RSBN1: variants seen among roughly 807,000 people sequenced by gnomAD.
RSBN1 encodes the protein lysine-specific demethylase 9.
RSBN1 carries 23 observed loss-of-function variants against 74.8 expected under a neutral mutation model. The observed-to-expected ratio is 0.31, with a 90% CI of 0.22 to 0.44. RSBN1 has a LOEUF of 0.44. RSBN1 is among the 20% of genes least tolerant of loss of function. RSBN1 has a pLI of 1.00. For missense variants in RSBN1, 808 were observed against 1,020.9 expected (o/e 0.79, Z 2.84); for synonymous variants, 407 against 379.6 (o/e 1.07, Z -0.84).
intron 4 of RSBN1, among the ~76,000 whole-genome samples, chr1:113,770,194 C>G (rs1557994517): frequency 6.6e-6 from 1 of 152,244 alleles, no homozygotes; most frequent in East Asian, 1.9e-4. Context: ...TTCCTAGCTC[C>G]TAAGAAAGAA....
intron 1 of RSBN1, among the ~76,000 whole-genome samples, chr1:113,800,339 A>AT (rs962955449): frequency 3.3e-5 from 5 of 152,146 alleles, no homozygotes; most frequent in Admixed American, 6.5e-5. Flanking sequence ...ACAACTAAAT[A>AT]TTTGAGATAT....
intron 2 of RSBN1, among the ~76,000 whole-genome samples, chr1:113,782,861 T>C (rs1660165107): frequency 6.6e-6 from 1 of 152,250 alleles, no homozygotes; most frequent in South Asian, 2.1e-4. Flanking sequence ...TATCTAATTG[T>C]AGTTCTGACT....
chr1:113,793,987 C>T (rs576226658), intron 2 of RSBN1, among the ~76,000 whole-genome samples: 14 of 152,034 alleles, frequency 9.2e-5, no homozygotes, highest in Non-Finnish European at 1.6e-4. Flanking sequence ...TATTTCTAAC[C>T]GTAAATTCCC....
rs948897065 is a variant in RSBN1 at position 113,797,453 on chromosome 1, A to G, written c.1287T>C (p.Phe429=). 3 of 1,613,986 alleles carry G rather than the reference A, an allele frequency of 1.9e-6. No individual in the cohort carries two copies. Among genetic ancestry groups the G allele is most frequent in the African/African-American group, 1.3e-5 (1 of 74,936 alleles). Residue 429 remains phenylalanine, a synonymous_variant, in exon 2 of 7, where the codon TTT becomes TTC. Transcript: ENST00000261441. ...AAYLPDFLDY[F]AFNFPNTPVK... ...CTGGAGTGTTGGGGAAATTAAAAGC[A>G]AAGTAGTCCAAGAAGTCTGGGAGAT...
rs1006181241 is a variant in RSBN1 at position 113,763,810 on chromosome 1, T to C, written c.*2170A>G. 4.6e-5 allele frequency: 7 copies of C among 152,724 alleles called. No individual in the cohort carries two copies. The highest frequency in any genetic ancestry group is 1.7e-4 in the African/African-American group (7 of 41,440). The allele number at this position is 152,724 out of a possible 1,614,324, so 9.5% of individuals were successfully genotyped here. On this transcript the variant is annotated 3_prime_UTR_variant, in exon 7 of 7. Coordinates refer to ENST00000261441, the MANE Select transcript of RSBN1 (RefSeq NM_018364.5). ...TGCAGATCCGCTGGTTCCTGAGTGA[T>C]AATACACAGTGCTGGCTGTCAGGAG...
rs1399991705 is a variant in RSBN1, at chr1:113,767,199, T to C, written c.1835A>G (p.Gln612Arg). The C allele has an allele frequency of 1.9e-6, 3 of 1,604,412 alleles. No homozygotes were observed. Among genetic ancestry groups the C allele is most frequent in the Admixed American group, 1.7e-5 (1 of 59,324 alleles). The change falls in exon 6 of 7, where the codon CAA becomes CGA. Residue 612 changes from glutamine to arginine, a missense_variant. By Grantham distance (43) the Gln-to-Arg change is conservative (BLOSUM62 1). Around this residue, in one of 6 missense-constraint regions of RSBN1, gnomAD observed 18 missense variants for 16.2 expected, o/e 1.11. Coordinates refer to ENST00000261441, the MANE Select transcript of RSBN1 (RefSeq NM_018364.5). Reference sequence around the variant, plus strand: ...AATCACATCTTTGGTTATGCGAGGTTGGTCACTCCTAAGATTAACAAAATT... The same window carrying C: ...AATCACATCTTTGGTTATGCGAGGTCGGTCACTCCTAAGATTAACAAAATT... ...KAVQFGEWSD[Q>R]PRITKDVICF... is the part of the protein sequence containing the mutation.
chr1:113,769,500 T>G (rs1659849903), intron 4 of RSBN1, among the ~76,000 whole-genome samples: 1 of 152,122 alleles, frequency 6.6e-6, no homozygotes, highest in Non-Finnish European at 1.5e-5. Context: ...TAGCCATGAG[T>G]TGACAGCTGT....
chr1:113,809,128 A>C (rs936453680), intron 1 of RSBN1, among the ~76,000 whole-genome samples: 2 of 152,168 alleles, frequency 1.3e-5, no homozygotes, highest in Non-Finnish European at 2.9e-5. Context: ...AGTAACAAGA[A>C]TCTGCCCACT....
chr1:113,788,925 A>G (rs546453644), intron 2 of RSBN1, among the ~76,000 whole-genome samples: 1 of 151,796 alleles, frequency 6.6e-6, no homozygotes, highest in East Asian at 1.9e-4. Context: ...CTGTAACACC[A>G]TAATATTATA....
In RSBN1 at chr1:113,766,455, T is replaced by A; in HGVS notation, c.1936-2A>T. On this transcript the variant is annotated splice_acceptor_variant, in intron 6 of 6. Coordinates refer to ENST00000261441, the MANE Select transcript of RSBN1 (RefSeq NM_018364.5). LOFTEE classifies it high-confidence loss of function. Reference sequence around the variant, plus strand: ...AGCTTCATCTACCCACTGTACGCACTGAAGAAAGAAAAAAGTTACGTGAGA... The same window carrying A: ...AGCTTCATCTACCCACTGTACGCACAGAAGAAAGAAAAAAGTTACGTGAGA... The A allele has an allele frequency of 6.4e-7, 1 of 1,573,000 alleles. No homozygotes were observed.
intron 1 of RSBN1, among the ~76,000 whole-genome samples, chr1:113,805,333 C>A (rs1438308611): frequency 6.6e-6 from 1 of 152,100 alleles, no homozygotes; most frequent in East Asian, 1.9e-4. Context: ...TCGTGATTTG[C>A]CCACCTTGGT....
rs751781764 is a variant in RSBN1 at position 113,766,128 on chromosome 1, G to C, written c.2261C>G (p.Thr754Arg). Residue 754 changes from threonine to arginine, a missense_variant, in exon 7 of 7, where the codon ACA becomes AGA. Around this residue, in one of 6 missense-constraint regions of RSBN1, gnomAD observed 91 missense variants for 99.6 expected, o/e 0.91. Coordinates refer to ENST00000261441, the MANE Select transcript of RSBN1 (RefSeq NM_018364.5). ...AGGTGGGAAAGATGATGAAGCAGTT[G>C]TTAACAGCTGAATCTCTGTGCATGC... is the stretch of plus-strand genomic sequence containing the variant. ...EEACTEIQLL[T>R]TASSSFPPAS... 2.5e-6 allele frequency: 4 copies of C among 1,614,014 alleles called. No individual in the cohort carries two copies. Among genetic ancestry groups the C allele is most frequent in the Non-Finnish European group, 3.4e-6 (4 of 1,179,938 alleles).
intron 1 of RSBN1, among the ~76,000 whole-genome samples, chr1:113,804,281 A>G (rs1660653418): frequency 6.6e-6 from 1 of 152,230 alleles, no homozygotes; most frequent in Non-Finnish European, 1.5e-5. Context: ...TCTCTGAAAG[A>G]GGAAAGAAAA....
At chr1:113,768,927 A>ATAT (rs1553240116) in intron 4 of RSBN1, among the ~76,000 whole-genome samples, 1 of 150,604 alleles carries the variant, frequency 6.6e-6, no homozygotes, top group African/African-American at 2.4e-5. Flanking sequence ...TGAAAAAAAA[A>ATAT]ATATATATAT....
rs376465969 is a variant in RSBN1, at chr1:113,811,963, C to A, written c.450G>T (p.Ser150=). 2 of 1,580,572 alleles carry A rather than the reference C, an allele frequency of 1.3e-6. No individual in the cohort carries two copies. The highest frequency in any genetic ancestry group is 4.6e-5 in the East Asian group (2 of 43,938). ...CGACAGCGGGCCCGGCGGGTGCCAG[C>A]GAAGGTGGCGGCGGAGGCGGCAGGA... The part of the protein sequence containing the change: ...PLLLPPPPPP[S]LAPAGPAVAA... The change falls in exon 1 of 7, where the codon TCG becomes TCT. Residue 150 remains serine (S), a synonymous_variant. Coordinates refer to ENST00000261441, the MANE Select transcript of RSBN1 (RefSeq NM_018364.5).
chr1:113,780,019 C>CAAA (rs1427096432), intron 2 of RSBN1, among the ~76,000 whole-genome samples: 1 of 133,782 alleles, frequency 7.5e-6, no homozygotes, highest in African/African-American at 2.8e-5. Flanking sequence ...GACTCCGTCT[C>CAAA]AAAAAAAAAA....
At chr1:113,805,384 A>G (rs1413527528) in intron 1 of RSBN1, among the ~76,000 whole-genome samples, 2 of 152,142 alleles carry the variant, frequency 1.3e-5, no homozygotes, top group Admixed American at 1.3e-4. Context: ...GGCCTGTCCT[A>G]TGTTTTTATG....
Position 113,777,777 on chromosome 1 carries a change from C to T in RSBN1, c.1409G>A (p.Arg470Gln). 1 of 1,604,874 alleles carries T rather than the reference C, an allele frequency of 6.2e-7. No individual in the cohort carries two copies. Among genetic ancestry groups the T allele is most frequent in the Non-Finnish European group, 8.5e-7 (1 of 1,174,170 alleles). ...ACTTATCTGCCGCATAGGACCTGCT[C>T]GGTAGGTGCCACAGCAGTATGTCCT... ...VNRTYCCGTY[R>Q]AGPMRQISLV... The change falls in exon 3 of 7, where the codon CGA (arginine) becomes CAA (glutamine). Residue 470 changes from arginine to glutamine, a missense_variant. Coordinates refer to ENST00000261441, the MANE Select transcript of RSBN1 (RefSeq NM_018364.5).
Position 113,765,311 on chromosome 1 carries a change from G to C in RSBN1, c.*669C>G, listed in dbSNP as rs1018118314. ...GAGCCATGGATAATGAATGACCAAG[G>C]ACTATTCATCTTTAGATTTTTTTTT... On this transcript the variant is annotated 3_prime_UTR_variant, in exon 7 of 7. Coordinates refer to ENST00000261441, the MANE Select transcript of RSBN1 (RefSeq NM_018364.5). 1 of 152,022 alleles carries C rather than the reference G, an allele frequency of 6.6e-6. No individual in the cohort carries two copies. Among genetic ancestry groups the C allele is most frequent in the African/African-American group, 2.4e-5 (1 of 41,338 alleles). 9.4% of individuals were successfully genotyped at this position (152,022 alleles called of 1,614,324 possible).
Sources: allele counts gnomAD v4.1 joint callset (sites outside exome capture counted in the v4.1 genomes callset), GRCh38; gene constraint gnomAD v4.1.1; regional missense constraint gnomAD v4.1.1; transcripts MANE v1.5; gene names NCBI Gene and HGNC (gene_info 2026-07-23, HGNC 2026-07-21).